Variants in PALM2AKAP2 observed in about 807,000 individuals in gnomAD.
PALM2AKAP2 encodes PALM2 and AKAP2 fusion, also known as PALM2-AKAP2 fusion protein.
In PALM2AKAP2, 37 loss-of-function variants were observed where a neutral mutation model predicts 71.5. The observed-to-expected ratio is 0.52, with a 90% CI of 0.40 to 0.68. The LOEUF (loss-of-function observed/expected upper bound fraction) is 0.68. PALM2AKAP2 is among the 30% of genes least tolerant of loss of function. The probability of loss-of-function intolerance (pLI) is 0.00; values close to 1 mark genes in which losing one functional copy is unlikely to be tolerated. For missense variants in PALM2AKAP2, 1,224 were observed against 1,191.8 expected (o/e 1.03, Z -0.40); for synonymous variants, 468 against 478.8 (o/e 0.98, Z 0.29).
At position 110,024,819 on chromosome 9, in the gene PALM2AKAP2, T is replaced by G. The variant is rs974564724; in HGVS notation, c.582+8780T>G. 5.9e-6 allele frequency: 4 copies of G among 675,884 alleles called. No individual in the cohort carries two copies. The African/African-American group carries it at 7.4e-5, about 12-fold the overall frequency. The allele number at this position is 675,884 out of a possible 1,614,324, so 41.9% of individuals were successfully genotyped here. On this transcript the variant is annotated intron_variant, in intron 7 of 9. Transcript: ENST00000302798. ...AAAAAAGATATGCCAGTGTCTTGGG[T>G]TTTTTGTTTTTTTTTTTTAACAGCC... is the stretch of plus-strand genomic sequence containing the variant.
At chr9:109,722,950 A>G (rs1828426979) in intron 1 of PALM2AKAP2, among the ~76,000 whole-genome samples, 1 of 152,080 alleles carries the variant, frequency 6.6e-6, no homozygotes, top group African/African-American at 2.4e-5. Context: ...GTGTGATTCC[A>G]TTTAGGTCCT....
At chr9:109,777,260 T>C (rs376144615), upstream of PALM2AKAP2, among the ~76,000 whole-genome samples, 2 of 152,364 alleles carry the variant, frequency 1.3e-5, no homozygotes, top group Admixed American at 6.5e-5. Context: ...CCTCCTTCCC[T>C]ACTTCGTTAT....
chr9:109,704,543 C>T (rs1428355067), intron 1 of PALM2AKAP2, among the ~76,000 whole-genome samples: 1 of 152,132 alleles, frequency 6.6e-6, no homozygotes, highest in African/African-American at 2.4e-5. Context: ...TGTTTCCACC[C>T]TCACAGATTT....
intron 5 of PALM2AKAP2, among the ~76,000 whole-genome samples, chr9:109,927,745 C>T (rs1394582379): frequency 1.3e-5 from 2 of 152,202 alleles, no homozygotes; most frequent in South Asian, 4.1e-4. Context: ...CACCCACTCT[C>T]CTCCCCCGCC....
chr9:110,061,612 A>G (rs1359988369), intron 1 of PALM2AKAP2, among the ~76,000 whole-genome samples: 3 of 148,102 alleles, frequency 2.0e-5, no homozygotes, highest in Non-Finnish European at 4.5e-5. Context: ...TATTTTATAT[A>G]TATATATAAA....
At chr9:109,704,441 G>A (rs1422299741) in intron 1 of PALM2AKAP2, among the ~76,000 whole-genome samples, 1 of 152,194 alleles carries the variant, frequency 6.6e-6, no homozygotes, top group Non-Finnish European at 1.5e-5. Context: ...ATTAAATGGG[G>A]AATGGTAGCA....
chr9:110,101,781 G>T (rs1835007119), intron 1 of PALM2AKAP2, among the ~76,000 whole-genome samples: 1 of 152,216 alleles, frequency 6.6e-6, no homozygotes, highest in Non-Finnish European at 1.5e-5. Flanking sequence ...TTCAGCTGAG[G>T]TTAATCTGGG....
chr9:109,856,275 A>G (rs1829161780), intron 1 of PALM2AKAP2, among the ~76,000 whole-genome samples: 1 of 152,258 alleles, frequency 6.6e-6, no homozygotes, highest in Admixed American at 6.5e-5. Context: ...AATTGCAAAC[A>G]AAGCACTGAG....
At chr9:109,710,671 C>T (rs973415935) in intron 1 of PALM2AKAP2, among the ~76,000 whole-genome samples, 1 of 152,136 alleles carries the variant, frequency 6.6e-6, no homozygotes, top group African/African-American at 2.4e-5. Flanking sequence ...GCTTGGTTTC[C>T]CGTCTGTCCT....
chr9:110,007,728 A>G (rs1002011602), intron 6 of PALM2AKAP2, among the ~76,000 whole-genome samples: 1 of 152,196 alleles, frequency 6.6e-6, no homozygotes, highest in African/African-American at 2.4e-5. Context: ...TGAAAAATCA[A>G]CTCACGAAAG....
chr9:109,711,102 A>C (rs7022805), intron 1 of PALM2AKAP2, among the ~76,000 whole-genome samples: 5,172 of 152,148 alleles, frequency 0.034, 168 homozygotes, highest in East Asian at 0.18. Context: ...TTATTCCAGG[A>C]TGCCCATATT....
intron 1 of PALM2AKAP2, among the ~76,000 whole-genome samples, chr9:110,059,152 G>A (rs1833908953): frequency 2.0e-5 from 3 of 152,014 alleles, no homozygotes; most frequent in South Asian, 2.1e-4. Flanking sequence ...CGTCTGCCTC[G>A]GCCTCCCAAA....
chr9:109,960,333 C>A (rs906109638), intron 6 of PALM2AKAP2, among the ~76,000 whole-genome samples: 1 of 152,188 alleles, frequency 6.6e-6, no homozygotes, highest in Non-Finnish European at 1.5e-5. Flanking sequence ...TACGGCTGAC[C>A]CTTCAGTGGG....
intron 1 of PALM2AKAP2, among the ~76,000 whole-genome samples, chr9:109,823,388 T>TC (rs1049134203): frequency 6.5e-4 from 99 of 152,288 alleles, no homozygotes; most frequent in Non-Finnish European, 1.5e-4. Context: ...ATACTGGGGC[T>TC]CCAGTCATGG....
At chr9:109,837,736 C>T (rs1025171953) in intron 1 of PALM2AKAP2, among the ~76,000 whole-genome samples, 4 of 152,120 alleles carry the variant, frequency 2.6e-5, no homozygotes, top group Non-Finnish European at 5.9e-5. Flanking sequence ...ATCCTAGCCT[C>T]TGATAAAACA....
At chr9:109,930,230 A>G (rs1350370478) in intron 5 of PALM2AKAP2, among the ~76,000 whole-genome samples, 3 of 145,684 alleles carry the variant, frequency 2.1e-5, no homozygotes, top group South Asian at 4.4e-4. Context: ...GGAAAAATCT[A>G]TTTTTTTTTT....
At chr9:109,988,178 A>G (rs1832414120) in intron 6 of PALM2AKAP2, among the ~76,000 whole-genome samples, 2 of 152,212 alleles carry the variant, frequency 1.3e-5, no homozygotes, top group Admixed American at 6.5e-5. Flanking sequence ...CTAAGTTTCT[A>G]TATGTTTTTG....
At chr9:109,984,012 G>A (rs1242918157) in intron 6 of PALM2AKAP2, among the ~76,000 whole-genome samples, 1 of 152,162 alleles carries the variant, frequency 6.6e-6, no homozygotes, top group African/African-American at 2.4e-5. Context: ...ATCAAGAGGA[G>A]CAAAATAATT....
At chr9:109,792,760 C>T (rs1379476977) in intron 1 of PALM2AKAP2, among the ~76,000 whole-genome samples, 2 of 152,112 alleles carry the variant, frequency 1.3e-5, no homozygotes, top group Admixed American at 1.3e-4. Context: ...ATACCTTCTG[C>T]TCCAGCCTGG....
Sources: allele counts gnomAD v4.1 joint callset (sites outside exome capture counted in the v4.1 genomes callset), GRCh38; gene constraint gnomAD v4.1.1; transcripts MANE v1.5; gene names NCBI Gene and HGNC (gene_info 2026-07-23, HGNC 2026-07-21).